The following NPC1 variants were observed in gnomAD, a reference collection of about 807,000 sequenced individuals.
The protein encoded by NPC1 is NPC intracellular cholesterol transporter 1.
In NPC1, 85 loss-of-function variants were observed where a neutral mutation model predicts 140.4. The ratio of observed to expected loss-of-function variants is 0.61; its 90% CI spans 0.51 to 0.72. The LOEUF (loss-of-function observed/expected upper bound fraction) is 0.72, where lower values mean the gene tolerates loss of function less well. NPC1 is among the 30% of genes least tolerant of loss of function. The pLI is 0.00. For missense variants in NPC1, 1,504 were observed against 1,623.8 expected, an observed-to-expected ratio of 0.93 and a Z score of 1.27; for synonymous variants, 656 against 624.8, an observed-to-expected ratio of 1.05 and a Z score of -0.74.
intron 9 of NPC1, among the ~76,000 whole-genome samples, 173 bp downstream of exon 9, chr18:23,554,585 G>A (rs1254682698): frequency 2.0e-5 from 3 of 146,738 alleles, no homozygotes; most frequent in African/African-American, 7.7e-5. Context: ...CAGCCTGGGC[G>A]ACAGAGCGAG....
At chr18:23,559,398 A>G (rs540391129) in intron 6 of NPC1, among the ~76,000 whole-genome samples, 3 of 152,326 alleles carry the variant, frequency 2.0e-5, no homozygotes, top group Admixed American at 6.5e-5. Context: ...AAAAGTAAAA[A>G]AAGTACTGTC....
At chr18:23,529,944 G>C, downstream of NPC1, 7 of 1,304,536 alleles carry the variant, frequency 5.4e-6, no homozygotes, top group Non-Finnish European at 7.7e-6. Context: ...GTGTTGGTTA[G>C]AATAGCCAGT....
At chr18:23,557,814 C>T (rs981215436) in intron 6 of NPC1, among the ~76,000 whole-genome samples, 1 of 152,190 alleles carries the variant, frequency 6.6e-6, no homozygotes, top group Non-Finnish European at 1.5e-5. Flanking sequence ...CCCAGATCTT[C>T]GTTTCTACAT....
chr18:23,535,643 G>A lies in NPC1; in HGVS notation c.3303C>T (p.Asn1101=), dbSNP rs1194008128. Residue 1101 remains asparagine, a synonymous_variant, in exon 22 of 25, where the codon AAC becomes AAT. Transcript: ENST00000269228. Reference sequence around the variant, plus strand: ...ATATCGCGCCCAGGGACACACCGAGGTTGAAGATAGTGTCGTCAATGATGG... The same window carrying A: ...ATATCGCGCCCAGGGACACACCGAGATTGAAGATAGTGTCGTCAATGATGG... ...YLTIIDDTIF[N]LGVSLGAIFL... is the part of the protein sequence containing the mutation. The A allele has an allele frequency of 6.2e-7, 1 of 1,614,036 alleles. No individual in the cohort carries two copies. The highest frequency in any genetic ancestry group is 8.5e-7 in the Non-Finnish European group (1 of 1,180,032).
Position 23,532,003 on chromosome 18 carries a change from T to A in NPC1, c.*199A>T, listed in dbSNP as rs565959109. The A allele has an allele frequency of 6.7e-7, 1 of 1,483,222 alleles. No individual in the cohort carries two copies. Among genetic ancestry groups the A allele is most frequent in the East Asian group, 2.5e-5 (1 of 40,500 alleles). 91.9% of individuals were successfully genotyped at this position (1,483,222 alleles called of 1,614,324 possible). A position where few individuals can be genotyped will look rare whatever the true frequency, so the allele number is the denominator to read the frequency against. On this transcript the variant is annotated 3_prime_UTR_variant, in exon 25 of 25. Coordinates refer to ENST00000269228, the MANE Select transcript of NPC1 (RefSeq NM_000271.5). ...TGGGAGAAGTTTAGTGTCCTGTGGT[T>A]GCCTCCAGATCTAGTAATACTGCTT... is the stretch of plus-strand genomic sequence containing the variant.
intron 1 of NPC1, among the ~76,000 whole-genome samples, chr18:23,523,363 G>A (rs1471284834): frequency 6.6e-6 from 1 of 151,918 alleles, no homozygotes; most frequent in Non-Finnish European, 1.5e-5. Flanking sequence ...CTTCCCAGAC[G>A]AGCTCACTGT....
At chr18:23,543,066 G>A (rs1265763363) in intron 14 of NPC1, among the ~76,000 whole-genome samples, 5 of 152,168 alleles carry the variant, frequency 3.3e-5, no homozygotes, top group African/African-American at 7.2e-5. Flanking sequence ...GGGGGCTCAC[G>A]CCTGTAATCT....
intron 4 of NPC1, among the ~76,000 whole-genome samples, chr18:23,568,175 A>AC (rs1299795339): frequency 6.6e-6 from 1 of 152,190 alleles, no homozygotes; most frequent in African/African-American, 2.4e-5. Context: ...CACGTGTTAC[A>AC]CATCCACTTT....
At chr18:23,524,939 A>ATAT (rs1184600894), downstream of NPC1, among the ~76,000 whole-genome samples, 1 of 108,682 alleles carries the variant, frequency 9.2e-6, no homozygotes, top group Non-Finnish European at 1.8e-5. Context: ...TATTAGAGAA[A>ATAT]TCTTTTTTTT....
At chr18:23,520,784 G>A (rs117994524), downstream of NPC1, among the ~76,000 whole-genome samples, 2,109 of 151,020 alleles carry the variant, frequency 0.014, 26 homozygotes, top group Non-Finnish European at 0.024. Context: ...GTATTCAATC[G>A]CTTAAATACT....
chr18:23,535,430 C>A, intron 22 of NPC1, 39 bp downstream of exon 22: 1 of 1,421,140 alleles, frequency 7.0e-7, no homozygotes, highest in South Asian at 1.2e-5. Flanking sequence ...CCAAGTGAAA[C>A]AGGAGCTAGG....
intron 10 of NPC1, among the ~76,000 whole-genome samples, chr18:23,549,565 G>A (rs1003115116): frequency 6.6e-6 from 1 of 150,628 alleles, no homozygotes; most frequent in Admixed American, 6.6e-5. Context: ...CTCGAACCTG[G>A]GAGGCAGGGG....
At chr18:23,531,361 G>A (rs1598924669), downstream of NPC1, 1 of 470,740 alleles carries the variant, frequency 2.1e-6, no homozygotes, top group East Asian at 4.4e-5. Flanking sequence ...AAGGATCAGG[G>A]CTGTCTAATG....
At chr18:23,537,391 C>T (rs1040017408) in intron 20 of NPC1, among the ~76,000 whole-genome samples, 1 of 152,122 alleles carries the variant, frequency 6.6e-6, no homozygotes, top group Non-Finnish European at 1.5e-5. Flanking sequence ...GGGCTTTTCT[C>T]GATTGCTCTG....
At chr18:23,562,778 G>T (rs145823710) in intron 4 of NPC1, among the ~76,000 whole-genome samples, 158 of 152,032 alleles carry the variant, frequency 1.0e-3, no homozygotes, top group African/African-American at 3.5e-3. Flanking sequence ...CCAGAGCTCA[G>T]GAGGTCCAGA....
Position 23,535,395 on chromosome 18 carries a change from A to G in NPC1, c.3477+74T>C, listed in dbSNP as rs1163416379. The stretch of plus-strand genomic sequence containing the variant: ...ATCTTACTCCATCTTTAGGGTTTAC[A>G]TGGAATCTAAGACAGCCAATTCCCC... On this transcript the variant is annotated intron_variant, in intron 22 of 24. Transcript: ENST00000269228. The G allele has an allele frequency of 5.6e-6, 6 of 1,075,522 alleles. No homozygotes were observed. In the African/African-American group the frequency reaches 7.8e-5, roughly 14 times the overall value. 66.6% of individuals were successfully genotyped at this position (1,075,522 alleles called of 1,614,324 possible). A position where few individuals can be genotyped will look rare whatever the true frequency, so the allele number is the denominator to read the frequency against.
intron 4 of NPC1, among the ~76,000 whole-genome samples, chr18:23,565,926 T>TA (rs549937233): frequency 1.3e-4 from 20 of 152,352 alleles, no homozygotes; most frequent in Admixed American, 1.3e-3. Flanking sequence ...TTTATAGGTC[T>TA]TTGTATCTGT....
chr18:23,524,173 C>G, intron 1 of NPC1: 1 of 1,613,744 alleles, frequency 6.2e-7, no homozygotes, highest in Non-Finnish European at 8.5e-7. Context: ...CATGTAAACT[C>G]TGTATCCTTT....
rs1567947048 is a variant in NPC1, at chr18:23,536,846, G to A, written c.3072C>T (p.Asn1024=). The stretch of plus-strand genomic sequence containing the variant: ...CCCTGGTGCCATGGCCAAGGAGGAT[G>A]TTAACTGCAGAACTATAGGCAGCAT... ...GGHAAYSSAV[N]ILLGHGTRVG... Residue 1024 remains asparagine (N), a synonymous_variant, in exon 21 of 25, where the codon AAC becomes AAT. Transcript: ENST00000269228. 1 of 1,614,152 alleles carries A rather than the reference G, an allele frequency of 6.2e-7. No individual in the cohort carries two copies. The highest frequency in any genetic ancestry group is 2.2e-5 in the East Asian group (1 of 44,884).
Sources: gnomAD v4.1 joint callset for allele counts (sites outside exome capture counted in the v4.1 genomes callset) on GRCh38, gnomAD v4.1.1 for gene constraint, MANE v1.5 for transcripts, NCBI Gene and HGNC (gene_info 2026-07-23, HGNC 2026-07-21) for gene names.